The following RARB variants were observed in gnomAD, a reference collection of about 807,000 sequenced individuals.
RARB encodes the protein retinoic acid receptor beta, also known as HBV-activated protein.
A neutral mutation model predicts 51.9 loss-of-function variants in RARB; 17 were observed. That is an observed-to-expected ratio of 0.33 (90% confidence interval 0.22 to 0.49). The LOEUF is 0.49. Among genes scored for constraint, RARB ranks in the 20% least tolerant of loss-of-function variants. The pLI is 0.99. For missense variants in RARB, 369 were observed against 550.8 expected (o/e 0.67, Z 3.30); for synonymous variants, 215 against 195.4 (o/e 1.10, Z -0.84).
At chr3:25,428,140 C>T, upstream of RARB, 1 of 980,986 alleles carries the variant, frequency 1.0e-6, no homozygotes, top group African/African-American at 1.7e-5. Flanking sequence ...AGTTTTTAAG[C>T]TCTGTGAGAA....
At chr3:25,039,689 T>C (rs370173482) in intron 2 of RARB, among the ~76,000 whole-genome samples, 2 of 152,354 alleles carry the variant, frequency 1.3e-5, no homozygotes, top group East Asian at 3.9e-4. Context: ...TTTGCCTCTT[T>C]TATTGTAATA....
At chr3:25,135,448 C>T (rs539454816) in intron 4 of RARB, among the ~76,000 whole-genome samples, 8 of 152,012 alleles carry the variant, frequency 5.3e-5, no homozygotes, top group African/African-American at 1.9e-4. Context: ...AATCTGCTAG[C>T]TGAAAACCAG....
intron 5 of RARB, among the ~76,000 whole-genome samples, chr3:25,208,141 G>T (rs1701600307): frequency 6.6e-6 from 1 of 152,098 alleles, no homozygotes; most frequent in African/African-American, 2.4e-5. Context: ...TGAGAAATCT[G>T]CCCACATGAT....
chr3:24,869,423 A>G (rs1037245544), intron 2 of RARB, among the ~76,000 whole-genome samples: 27 of 152,288 alleles, frequency 1.8e-4, no homozygotes, highest in African/African-American at 6.5e-4. Flanking sequence ...AGAAAATTAA[A>G]ACACTTATTT....
At position 25,583,939 on chromosome 3, in the gene RARB, C is replaced by T. The variant is rs149167216; in HGVS notation, c.786+3217C>T. ...TGTGTTCAGGCAAGTGAGGGAGCCCCGGAGCAGGAGTGACCCCTTCACCTG... is the reference window on the plus strand; with the variant it reads ...TGTGTTCAGGCAAGTGAGGGAGCCCTGGAGCAGGAGTGACCCCTTCACCTG... On this transcript the variant is annotated intron_variant, in intron 5 of 7. Coordinates refer to ENST00000330688, the MANE Select transcript of RARB (RefSeq NM_000965.5). Among the ~76,000 whole-genome samples the T allele has an allele frequency of 4.4e-3, 667 of 152,268 alleles. 8 individuals carry two copies. Among genetic ancestry groups the T allele is most frequent in the Non-Finnish European group, 6.5e-3 (443 of 68,010 alleles).
At chr3:25,468,296 T>C (rs968476653) in intron 2 of RARB, among the ~76,000 whole-genome samples, 18 of 151,986 alleles carry the variant, frequency 1.2e-4, no homozygotes, top group African/African-American at 4.4e-4. Flanking sequence ...CTCCAGTGTT[T>C]GTACGTCCAA....
chr3:25,291,007 C>G (rs1278638034), intron 5 of RARB, among the ~76,000 whole-genome samples: 1 of 152,186 alleles, frequency 6.6e-6, no homozygotes, highest in African/African-American at 2.4e-5. Context: ...ATGGCAAGAG[C>G]TTTGGTAAAG....
intron 2 of RARB, among the ~76,000 whole-genome samples, chr3:24,878,837 G>A (rs564517908): frequency 6.8e-4 from 104 of 152,184 alleles, no homozygotes; most frequent in Non-Finnish European, 8.2e-4. Context: ...AAGATTGCCC[G>A]GAGAAAAACC....
chr3:25,486,346 C>T (rs554056550), intron 2 of RARB, among the ~76,000 whole-genome samples: 100 of 152,300 alleles, frequency 6.6e-4, no homozygotes, highest in African/African-American at 2.4e-3. Flanking sequence ...CAACTGTTTG[C>T]TTAGAGTACA....
intron 3 of RARB, among the ~76,000 whole-genome samples, chr3:25,114,256 G>A (rs1018681686): frequency 9.2e-5 from 14 of 152,248 alleles, no homozygotes; most frequent in African/African-American, 3.4e-4. Flanking sequence ...GCCTCCTTTG[G>A]TGCAGCACTC....
chr3:25,164,445 T>C (rs1204670805), intron 4 of RARB, among the ~76,000 whole-genome samples: 1 of 152,218 alleles, frequency 6.6e-6, no homozygotes, highest in Non-Finnish European at 1.5e-5. Flanking sequence ...CTGACAGTCC[T>C]GACCTACTAT....
intron 3 of RARB, among the ~76,000 whole-genome samples, chr3:25,565,168 G>A (rs550790573): frequency 1.2e-4 from 18 of 152,278 alleles, no homozygotes; most frequent in South Asian, 2.1e-4. Flanking sequence ...CAGACGCAGC[G>A]GAGCACAGTG....
intron 3 of RARB, among the ~76,000 whole-genome samples, chr3:25,522,426 G>A (rs1401250143): frequency 2.0e-5 from 3 of 152,104 alleles, no homozygotes; most frequent in Admixed American, 6.6e-5. Flanking sequence ...AACACAGACC[G>A]CTTGTCTCTG....
intron 2 of RARB, among the ~76,000 whole-genome samples, chr3:24,884,520 A>G (rs1703233861): frequency 6.6e-6 from 1 of 152,156 alleles, no homozygotes; most frequent in African/African-American, 2.4e-5. Context: ...ATCTCTAGAG[A>G]TAAAATAGCA....
intron 1 of RARB, among the ~76,000 whole-genome samples, chr3:25,448,767 G>T (rs59052470): frequency 0.24 from 36,999 of 151,932 alleles, 5,208 homozygotes; most frequent in Admixed American, 0.41. Flanking sequence ...GTGCCCGGCC[G>T]AGAATCTTTT....
chr3:25,050,556 C>T (rs1295997880), intron 2 of RARB, among the ~76,000 whole-genome samples: 1 of 152,158 alleles, frequency 6.6e-6, no homozygotes, highest in Admixed American at 6.5e-5. Flanking sequence ...AACACTACTC[C>T]ACCCTTTTCC....
intron 2 of RARB, among the ~76,000 whole-genome samples, chr3:24,866,730 G>T (rs958417814): frequency 6.6e-6 from 1 of 152,092 alleles, no homozygotes; most frequent in Non-Finnish European, 1.5e-5. Context: ...AGTTCTTCTT[G>T]CCCACTGCCC....
intron 3 of RARB, among the ~76,000 whole-genome samples, chr3:25,131,678 A>G (rs1397977437): frequency 6.6e-6 from 1 of 151,996 alleles, no homozygotes; most frequent in East Asian, 1.9e-4. Flanking sequence ...TAGGAAATAT[A>G]TCAAGGCGGA....
intron 5 of RARB, among the ~76,000 whole-genome samples, chr3:25,181,114 A>AG (rs966587994): frequency 1.7e-4 from 26 of 152,218 alleles, no homozygotes; most frequent in African/African-American, 5.5e-4. Context: ...GTGGATATTG[A>AG]GGGGACACAC....
Sources: allele counts gnomAD v4.1 joint callset (sites outside exome capture counted in the v4.1 genomes callset), GRCh38; gene constraint gnomAD v4.1.1; transcripts MANE v1.5; gene names NCBI Gene and HGNC (gene_info 2026-07-23, HGNC 2026-07-21).